Variants in PITPNM3 observed in about 807,000 individuals in gnomAD.
PITPNM3 encodes membrane-associated phosphatidylinositol transfer protein 3.
In PITPNM3, 26 loss-of-function variants were observed where a neutral mutation model predicts 102.0. That is an observed-to-expected ratio of 0.25 (90% CI 0.19 to 0.35). The LOEUF is 0.35. Ranked by LOEUF, PITPNM3 falls within the 10% of genes least tolerant of loss-of-function variation. The pLI is 1.00. For missense variants in PITPNM3, 1,083 were observed against 1,346.1 expected, an observed-to-expected ratio of 0.80 and a Z score of 3.06; for synonymous variants, 578 against 558.6, an observed-to-expected ratio of 1.03 and a Z score of -0.49.
chr17:6,455,491 G>A lies in PITPNM3; in HGVS notation c.2772C>T (p.Arg924=), dbSNP rs766550534. 12 of 1,606,004 alleles carry A rather than the reference G, an allele frequency of 7.5e-6. No individual in the cohort carries two copies. The Admixed American group carries it at 1.7e-4, about 22-fold the overall frequency. The change falls in exon 20 of 20, where the codon CGC becomes CGT. Residue 924 remains arginine (R), a synonymous_variant. Transcript: ENST00000262483. ...PEFLRKRNHL[R]RTMSVQQPDP... is the part of the protein sequence containing the mutation. ...CGGGCTGCTGCACTGACATGGTTCT[G>A]CGCAGGTGGTTGCGCTTCCGCAGGA...
intron 9 of PITPNM3, among the ~76,000 whole-genome samples, chr17:6,475,466 C>T (rs1419170259): frequency 1.3e-5 from 2 of 152,166 alleles, no homozygotes; most frequent in Non-Finnish European, 2.9e-5. Flanking sequence ...CAGAGGAGAA[C>T]AAACTTTAGA....
At chr17:6,500,615 G>T (rs1278618347) in intron 4 of PITPNM3, among the ~76,000 whole-genome samples, 1 of 152,018 alleles carries the variant, frequency 6.6e-6, no homozygotes, top group East Asian at 1.9e-4. Flanking sequence ...CAACCTCCAA[G>T]GTACCATTTC....
At chr17:6,526,570 T>A (rs1345933005) in intron 2 of PITPNM3, among the ~76,000 whole-genome samples, 1 of 152,218 alleles carries the variant, frequency 6.6e-6, no homozygotes, top group Non-Finnish European at 1.5e-5. Context: ...AGAGTTCTGA[T>A]TCACTCAAGA....
rs1567655709 is a variant in PITPNM3 at position 6,454,225 on chromosome 17, GGTGGGTTGTCCCTAGGACACCCAGTTTGA to G, written c.*1084_*1112del. 4 of 152,236 alleles carry G rather than the reference GGTGGGTTGTCCCTAGGACACCCAGTTTGA, an allele frequency of 2.6e-5. No individual in the cohort carries two copies. The highest frequency in any genetic ancestry group is 2.1e-4 in the South Asian group (1 of 4,838). 9.4% of individuals were successfully genotyped at this position (152,236 alleles called of 1,614,324 possible). A position where few individuals can be genotyped will look rare whatever the true frequency, so the allele number is the denominator to read the frequency against. On this transcript the variant is annotated 3_prime_UTR_variant, in exon 20 of 20. Coordinates refer to ENST00000262483, the MANE Select transcript of PITPNM3 (RefSeq NM_031220.4). ...CAGTAACCTTTTGGCAGGAGAGGGA[GGTGGGTTGTCCCTAGGACACCCAGTTTGA>G]GTGGGTTGTCCCTGGGACACGCAGT...
chr17:6,477,189 C>A lies in PITPNM3; in HGVS notation c.925G>T (p.Asp309Tyr), dbSNP rs1403768899. The change falls in exon 9 of 20, where the codon GAT becomes TAT. Residue 309 changes from aspartate (D) to tyrosine (Y), a missense_variant. By Grantham distance (160) the Asp-to-Tyr change is radical. Around this residue, in one of 5 missense-constraint regions of PITPNM3, gnomAD observed 172 missense variants for 175.6 expected, o/e 0.98. Transcript: ENST00000262483. ...CGCTTGCTGCTGGCCAGGCTGCAAT[C>A]TTCCTCCACCGCGACTGGGGTGTCC... ...TQDTPVAVEE[D>Y]CSLASSKRLS... 1.9e-6 allele frequency: 3 copies of A among 1,614,154 alleles called. No homozygotes were observed. Among genetic ancestry groups the A allele is most frequent in the Non-Finnish European group, 2.5e-6 (3 of 1,180,028 alleles).
chr17:6,461,380 A>G lies in PITPNM3; in HGVS notation c.2483T>C (p.Met828Thr). The G allele has an allele frequency of 1.2e-6, 2 of 1,614,004 alleles. No homozygotes were observed. The highest frequency in any genetic ancestry group is 1.7e-6 in the Non-Finnish European group (2 of 1,180,006). ...CCCAGGATGGCCACTCACCTCCTGCATGAGGTTGCGCAGGAAGATGGCCTT... is the reference window on the plus strand; with the variant it reads ...CCCAGGATGGCCACTCACCTCCTGCGTGAGGTTGCGCAGGAAGATGGCCTT... ...RQKAIFLRNL[M>T]QECFIKISAA... Residue 828 changes from methionine (M) to threonine (T), a missense_variant, in exon 18 of 20, where the codon ATG (methionine) becomes ACG (threonine). Transcript: ENST00000262483.
chr17:6,489,173 C>T (rs185673159), intron 4 of PITPNM3, among the ~76,000 whole-genome samples: 170 of 152,340 alleles, frequency 1.1e-3, no homozygotes, highest in African/African-American at 4.0e-3. Flanking sequence ...ACACACTCAG[C>T]ACCCCAAGCA....
At chr17:6,499,339 C>A (rs948738566) in intron 4 of PITPNM3, among the ~76,000 whole-genome samples, 3 of 152,214 alleles carry the variant, frequency 2.0e-5, no homozygotes, top group African/African-American at 7.2e-5. Flanking sequence ...CAACCTCATA[C>A]CTGCGCATGC....
chr17:6,483,878 G>C (rs1905912278), intron 5 of PITPNM3, 126 bp from the exon 6 acceptor site: 1 of 869,110 alleles, frequency 1.2e-6, no homozygotes, highest in South Asian at 1.4e-5. Context: ...GGGAGACTGA[G>C]GCCAGAGAAG....
chr17:6,500,077 G>C (rs767856597), intron 4 of PITPNM3, among the ~76,000 whole-genome samples: 3 of 152,128 alleles, frequency 2.0e-5, no homozygotes, highest in Non-Finnish European at 4.4e-5. Context: ...GAGGCTGAGA[G>C]ACATCAAGTA....
intron 3 of PITPNM3, among the ~76,000 whole-genome samples, chr17:6,523,382 T>C (rs148825069): frequency 3.0e-4 from 45 of 151,990 alleles, no homozygotes; most frequent in African/African-American, 1.1e-3. Flanking sequence ...AGCCATGGAG[T>C]GGCATGGCTG....
chr17:6,465,289 G>A (rs1904709573), intron 14 of PITPNM3, among the ~76,000 whole-genome samples: 1 of 152,122 alleles, frequency 6.6e-6, no homozygotes, highest in South Asian at 2.1e-4. Flanking sequence ...CAGGTGATCT[G>A]CCTACCTCGG....
intron 1 of PITPNM3, among the ~76,000 whole-genome samples, chr17:6,554,714 G>T (rs1290989427): frequency 6.6e-6 from 1 of 151,566 alleles, no homozygotes; most frequent in Non-Finnish European, 1.5e-5. Context: ...GACAGAGAGA[G>T]TCCTTCGAGT....
chr17:6,523,537 C>T (rs150928974), intron 3 of PITPNM3, among the ~76,000 whole-genome samples: 46 of 152,324 alleles, frequency 3.0e-4, no homozygotes, highest in African/African-American at 1.1e-3. Context: ...GCCCTTAGCT[C>T]TCACTGGGTC....
chr17:6,534,298 C>A (rs1014588763), intron 2 of PITPNM3, among the ~76,000 whole-genome samples: 2 of 152,194 alleles, frequency 1.3e-5, no homozygotes, highest in African/African-American at 4.8e-5. Flanking sequence ...GGAGCTGGCA[C>A]CCTGCCGAGG....
chr17:6,481,985 C>CCTCT lies in PITPNM3; in HGVS notation c.587+1528_587+1531dup, dbSNP rs773528111. ...GGCACTTAGCCCTAGGAAAACAGAA[C>CCTCT]CTCTCTCTCTCTCTCTCTCTCTCTC... is the stretch of plus-strand genomic sequence containing the variant. On this transcript the variant is annotated intron_variant, in intron 6 of 19. Transcript: ENST00000262483. Among the ~76,000 whole-genome samples, 23 of 56,140 alleles carry CCTCT rather than the reference C, an allele frequency of 4.1e-4. 1 individual carries two copies. The highest frequency in any genetic ancestry group is 6.3e-4 in the African/African-American group (10 of 15,972). The allele number at this position is 56,140 out of a possible 152,430, so 36.8% of individuals were successfully genotyped here.
chr17:6,464,868 GC>G, intron 14 of PITPNM3, 97 bp from the exon 15 acceptor site: 2 of 1,138,038 alleles, frequency 1.8e-6, no homozygotes, highest in South Asian at 2.5e-5. Flanking sequence ...AGGCATATCA[GC>G]TTGCTGAATC....
intron 2 of PITPNM3, among the ~76,000 whole-genome samples, chr17:6,534,726 C>T (rs1909321658): frequency 1.3e-5 from 2 of 152,282 alleles, no homozygotes; most frequent in South Asian, 4.1e-4. Context: ...TACGCAGTTT[C>T]TTCCAGTGTA....
chr17:6,532,010 G>A (rs919950824), intron 2 of PITPNM3, among the ~76,000 whole-genome samples: 2 of 152,106 alleles, frequency 1.3e-5, no homozygotes, highest in African/African-American at 4.8e-5. Context: ...GGAGGTTGAG[G>A]CAGGAGAATC....
Sources: gnomAD v4.1 joint callset for allele counts (sites outside exome capture counted in the v4.1 genomes callset) on GRCh38, gnomAD v4.1.1 for gene constraint, gnomAD v4.1.1 regional missense constraint, MANE v1.5 for transcripts, NCBI Gene and HGNC (gene_info 2026-07-23, HGNC 2026-07-21) for gene names.